The following MAPK1IP1L variants were observed in gnomAD, a reference collection of about 807,000 sequenced individuals.
MAPK1IP1L encodes the protein MAPK-interacting and spindle-stabilizing protein-like.
Under a neutral mutation model 18.1 loss-of-function variants are expected in MAPK1IP1L, and 10 were observed. The observed-to-expected ratio is 0.55, with a 90% CI of 0.34 to 0.94. MAPK1IP1L has a LOEUF of 0.94. Among genes scored for constraint, MAPK1IP1L ranks in the 40% least tolerant of loss-of-function variants. The pLI is 0.02. For synonymous variants in MAPK1IP1L, 115 were observed against 117.3 expected (o/e 0.98, Z 0.13); for missense variants, 260 against 318.2 (o/e 0.82, Z 1.39).
chr14:55,063,372 C>G lies in MAPK1IP1L; in HGVS notation c.726+47C>G, dbSNP rs143966958. ...TAAAGTGTACTAATTGTACATAGCACAACTGACATTGTTTCTCCCCAGTTT... is the reference window on the plus strand; with the variant it reads ...TAAAGTGTACTAATTGTACATAGCAGAACTGACATTGTTTCTCCCCAGTTT... On this transcript the variant is annotated intron_variant, in intron 3 of 3. Coordinates refer to ENST00000395468, the MANE Select transcript of MAPK1IP1L (RefSeq NM_144578.4). 1.7e-5 allele frequency: 24 copies of G among 1,447,910 alleles called. No homozygotes were observed. The African/African-American group carries it at 2.8e-4, about 17-fold the overall frequency. The allele number at this position is 1,447,910 out of a possible 1,614,324, so 89.7% of individuals were successfully genotyped here. A position where few individuals can be genotyped will look rare whatever the true frequency, so the allele number is the denominator to read the frequency against.
intron 1 of MAPK1IP1L, among the ~76,000 whole-genome samples, chr14:55,054,222 C>A (rs1216399455): frequency 1.5e-5 from 2 of 133,708 alleles, no homozygotes; most frequent in Non-Finnish European, 3.1e-5. Context: ...ACTGTAAGCT[C>A]CGCCTCCCAG....
Position 55,054,177 on chromosome 14 carries a change from C to CTTTT in MAPK1IP1L, c.-5+2389_-5+2392dup, listed in dbSNP as rs371063665. Among the ~76,000 whole-genome samples, 205 of 127,268 alleles carry CTTTT rather than the reference C, an allele frequency of 1.6e-3. 2 individuals are homozygous for CTTTT. Among genetic ancestry groups the CTTTT allele is most frequent in the African/African-American group, 5.1e-3 (177 of 34,852 alleles). 83.5% of individuals were successfully genotyped at this position (127,268 alleles called of 152,430 possible). On this transcript the variant is annotated intron_variant, in intron 1 of 3. Coordinates refer to ENST00000395468, the MANE Select transcript of MAPK1IP1L (RefSeq NM_144578.4). ...TATTCTAATTTATAATTTATATTTT[C>CTTTT]TTTTTTTTTTTTTTTTTTGGAGACG...
At chr14:55,057,088 T>C (rs1566762143) in intron 1 of MAPK1IP1L, among the ~76,000 whole-genome samples, 1 of 152,198 alleles carries the variant, frequency 6.6e-6, no homozygotes, top group South Asian at 2.1e-4. Flanking sequence ...TAGGCATAAA[T>C]TAAAAATAAT....
chr14:55,061,554 C>T, intron 1 of MAPK1IP1L, 126 bp from the exon 2 acceptor site: 1 of 668,446 alleles, frequency 1.5e-6, no homozygotes, highest in Non-Finnish European at 2.5e-6. Flanking sequence ...AAACACATTA[C>T]ATAAATAAGA....
chr14:55,061,729 GT>G, intron 2 of MAPK1IP1L, 28 bp downstream of exon 2: 1 of 1,531,352 alleles, frequency 6.5e-7, no homozygotes, highest in Non-Finnish European at 8.8e-7. Flanking sequence ...TCTGTGATAA[GT>G]TTTTCATCTC....
chr14:55,066,929 G>C lies in MAPK1IP1L; in HGVS notation c.*2302G>C, dbSNP rs912286961. The stretch of plus-strand genomic sequence containing the variant: ...TTTTTTTTTTTTGAGACGGAGTCTC[G>C]CTCTGTCGCCCATGCTGGAGTGCAG... On this transcript the variant is annotated 3_prime_UTR_variant, in exon 4 of 4. Coordinates refer to ENST00000395468, the MANE Select transcript of MAPK1IP1L (RefSeq NM_144578.4). 1.3e-5 allele frequency: 2 copies of C among 149,648 alleles called. No individual in the cohort carries two copies. Among genetic ancestry groups the C allele is most frequent in the East Asian group, 3.9e-4 (2 of 5,114 alleles). 9.3% of individuals were successfully genotyped at this position (149,648 alleles called of 1,614,324 possible). A position where few individuals can be genotyped will look rare whatever the true frequency, so the allele number is the denominator to read the frequency against.
chr14:55,056,681 T>C (rs1018077656), intron 1 of MAPK1IP1L, among the ~76,000 whole-genome samples: 3 of 152,192 alleles, frequency 2.0e-5, no homozygotes, highest in African/African-American at 7.2e-5. Flanking sequence ...GGCTAATTTT[T>C]TGTATTTTTA....
At chr14:55,056,273 G>C (rs2042770542) in intron 1 of MAPK1IP1L, among the ~76,000 whole-genome samples, 1 of 152,158 alleles carries the variant, frequency 6.6e-6, no homozygotes, top group Non-Finnish European at 1.5e-5. Flanking sequence ...CTAGGTAACT[G>C]TATAATTCTG....
rs2042863504 is a variant in MAPK1IP1L, at chr14:55,066,588, T to TA, written c.*1962dup. 1.3e-5 allele frequency: 2 copies of TA among 152,244 alleles called. No homozygotes were observed. The highest frequency in any genetic ancestry group is 2.9e-5 in the Non-Finnish European group (2 of 68,044). The allele number at this position is 152,244 out of a possible 1,614,324, so 9.4% of individuals were successfully genotyped here. ...AGATGGCTGCAAAGATAGCTCTCCT[T>TA]ACAGTTATTTTGGCTGTCCTACATT... is the stretch of plus-strand genomic sequence containing the variant. On this transcript the variant is annotated 3_prime_UTR_variant, in exon 4 of 4. Transcript: ENST00000395468.
Position 55,061,900 on chromosome 14 carries a change from T to G in MAPK1IP1L, c.18+199T>G, listed in dbSNP as rs540105346. ...CTGCAGTGAGCCATGATTGTGCCATTGCACTCCTGCCTGGGTGACAGAGTG... is the reference window on the plus strand; with the variant it reads ...CTGCAGTGAGCCATGATTGTGCCATGGCACTCCTGCCTGGGTGACAGAGTG... On this transcript the variant is annotated intron_variant, in intron 2 of 3. Transcript: ENST00000395468. Among the ~76,000 whole-genome samples, 4 of 152,362 alleles carry G rather than the reference T, an allele frequency of 2.6e-5. No homozygotes were observed. The East Asian group carries it at 7.7e-4, about 29-fold the overall frequency.
Position 55,051,654 on chromosome 14 carries a change from G to C in MAPK1IP1L, c.-154G>C, listed in dbSNP as rs1372043873. The C allele has an allele frequency of 2.0e-6, 1 of 512,544 alleles. No homozygotes were observed. The highest frequency in any genetic ancestry group is 1.9e-5 in the African/African-American group (1 of 51,338). 31.7% of individuals were successfully genotyped at this position (512,544 alleles called of 1,614,324 possible). A position where few individuals can be genotyped will look rare whatever the true frequency, so the allele number is the denominator to read the frequency against. On this transcript the variant is annotated 5_prime_UTR_variant, in exon 1 of 4. Coordinates refer to ENST00000395468, the MANE Select transcript of MAPK1IP1L (RefSeq NM_144578.4). Reference sequence around the variant, plus strand: ...GGAGGCGGTGCGCTCGGCGCTTCCTGTTCCGGCGCCAGGAGGAGCCGCGCG... The same window carrying C: ...GGAGGCGGTGCGCTCGGCGCTTCCTCTTCCGGCGCCAGGAGGAGCCGCGCG...
chr14:55,068,896 C>T lies in MAPK1IP1L; in HGVS notation c.*4269C>T, dbSNP rs949001901. 1 of 152,124 alleles carries T rather than the reference C, an allele frequency of 6.6e-6. No individual in the cohort carries two copies. Among genetic ancestry groups the T allele is most frequent in the Non-Finnish European group, 1.5e-5 (1 of 68,040 alleles). 9.4% of individuals were successfully genotyped at this position (152,124 alleles called of 1,614,324 possible). The stretch of plus-strand genomic sequence containing the variant: ...GGCTCATAGTCTATAAGTAACATTA[C>T]AGAATTTGTTAGCATACCCATTCAT... On this transcript the variant is annotated 3_prime_UTR_variant, in exon 4 of 4. Coordinates refer to ENST00000395468, the MANE Select transcript of MAPK1IP1L (RefSeq NM_144578.4).
chr14:55,061,516 A>G (rs1238220922), intron 1 of MAPK1IP1L, among the ~76,000 whole-genome samples, 164 bp from the exon 2 acceptor site: 1 of 152,248 alleles, frequency 6.6e-6, no homozygotes, highest in Non-Finnish European at 1.5e-5. Context: ...TGTATGAACT[A>G]TTATGGAAAA....
intron 1 of MAPK1IP1L, 111 bp from the exon 2 acceptor site, chr14:55,061,569 G>A (rs1594625982): frequency 1.5e-5 from 11 of 715,900 alleles, no homozygotes; most frequent in East Asian, 9.3e-5. Context: ...ATAAGATTCC[G>A]CTTAAGTAAT....
chr14:55,064,745 T>G lies in MAPK1IP1L; in HGVS notation c.*118T>G. On this transcript the variant is annotated 3_prime_UTR_variant, in exon 4 of 4. Coordinates refer to ENST00000395468, the MANE Select transcript of MAPK1IP1L (RefSeq NM_144578.4). ...GAGGGCATTCATGAAAGAACAACTC[T>G]TGCACCTCTCAGAGAAGATAACTGC... The G allele has an allele frequency of 2.2e-6, 2 of 912,426 alleles. No individual in the cohort carries two copies. Among genetic ancestry groups the G allele is most frequent in the South Asian group, 3.0e-5 (2 of 66,540 alleles). 56.5% of individuals were successfully genotyped at this position (912,426 alleles called of 1,614,324 possible).
chr14:55,068,849 A>C lies in MAPK1IP1L; in HGVS notation c.*4222A>C, dbSNP rs1312897294. Reference sequence around the variant, plus strand: ...TTGATCCAGGTTCTTTGCCAGCTATAAGGGAATCCCTGTCCTTGAGAGGCT... The same window carrying C: ...TTGATCCAGGTTCTTTGCCAGCTATCAGGGAATCCCTGTCCTTGAGAGGCT... On this transcript the variant is annotated 3_prime_UTR_variant, in exon 4 of 4. Transcript: ENST00000395468. 2 of 152,188 alleles carry C rather than the reference A, an allele frequency of 1.3e-5. No homozygotes were observed. Among genetic ancestry groups the C allele is most frequent in the African/African-American group, 4.8e-5 (2 of 41,444 alleles). 9.4% of individuals were successfully genotyped at this position (152,188 alleles called of 1,614,324 possible). A position where few individuals can be genotyped will look rare whatever the true frequency, so the allele number is the denominator to read the frequency against.
In MAPK1IP1L at chr14:55,068,725, ACAGAAATT is replaced by A. The variant is rs2042884344; in HGVS notation, c.*4099_*4106del. 6.6e-6 allele frequency: 1 copy of A among 152,272 alleles called. No homozygotes were observed. The highest frequency in any genetic ancestry group is 2.1e-4 in the South Asian group (1 of 4,838). 9.4% of individuals were successfully genotyped at this position (152,272 alleles called of 1,614,324 possible). A position where few individuals can be genotyped will look rare whatever the true frequency, so the allele number is the denominator to read the frequency against. On this transcript the variant is annotated 3_prime_UTR_variant, in exon 4 of 4. Coordinates refer to ENST00000395468, the MANE Select transcript of MAPK1IP1L (RefSeq NM_144578.4). ...TATTTTCAGATTTCTGCCAAGTAAAACAGAAATTGCCAATAAAATAATCAGTATTTTGT... is the reference window on the plus strand; with the variant it reads ...TATTTTCAGATTTCTGCCAAGTAAAAGCCAATAAAATAATCAGTATTTTGT...
intron 1 of MAPK1IP1L, among the ~76,000 whole-genome samples, chr14:55,056,727 T>C (rs1171060625): frequency 1.3e-5 from 2 of 152,112 alleles, no homozygotes; most frequent in Non-Finnish European, 2.9e-5. Context: ...GCCAGGATGG[T>C]CTCAATCTCC....
Position 55,063,269 on chromosome 14 carries a change from C to G in MAPK1IP1L, c.670C>G (p.Pro224Ala). ...AGGACTCTATCCTACTCCCAGTAAT[C>G]CTTTCCAAGTGCCTTCAGGACCTTC... ...TPGLYPTPSN[P>A]FQVPSGPSGA... The change falls in exon 3 of 4, where the codon CCT becomes GCT. Residue 224 changes from proline (P) to alanine (A), a missense_variant. Physicochemically the swap from Pro to Ala is conservative, Grantham distance 27. Coordinates refer to ENST00000395468, the MANE Select transcript of MAPK1IP1L (RefSeq NM_144578.4). 1.9e-6 allele frequency: 3 copies of G among 1,614,186 alleles called. No individual in the cohort carries two copies. The highest frequency in any genetic ancestry group is 2.5e-6 in the Non-Finnish European group (3 of 1,180,008).
Sources: gnomAD v4.1 joint callset for allele counts (sites outside exome capture counted in the v4.1 genomes callset) on GRCh38, gnomAD v4.1.1 for gene constraint, MANE v1.5 for transcripts, NCBI Gene and HGNC (gene_info 2026-07-23, HGNC 2026-07-21) for gene names.